The following OTUD7B variants were observed in gnomAD, a reference collection of about 807,000 sequenced individuals.
OTUD7B encodes OTU domain-containing protein 7B.
A neutral mutation model predicts 82.2 loss-of-function variants in OTUD7B; 34 were observed. The ratio of observed to expected loss-of-function variants is 0.41; its 90% CI spans 0.31 to 0.55. The LOEUF is 0.55. Ranked by LOEUF, OTUD7B falls within the 20% of genes least tolerant of loss-of-function variation. OTUD7B has a pLI of 0.20. For missense variants in OTUD7B, 944 were observed against 1,062.1 expected (o/e 0.89, Z 1.55); for synonymous variants, 398 against 402.7 (o/e 0.99, Z 0.14).
chr1:149,996,782 T>C (rs1182292133), intron 1 of OTUD7B, among the ~76,000 whole-genome samples: 2 of 152,204 alleles, frequency 1.3e-5, no homozygotes, highest in African/African-American at 4.8e-5. Flanking sequence ...AGAGTAAAGT[T>C]TTCTTCCCTT....
intron 6 of OTUD7B, chr1:149,962,109 G>C (rs1196714031): frequency 2.0e-5 from 3 of 152,060 alleles, no homozygotes; most frequent in Non-Finnish European, 2.9e-5. Context: ...TAAAAATAAA[G>C]AGAGCAATGC....
In OTUD7B at chr1:149,944,652, C is replaced by T; in HGVS notation, c.1737G>A (p.Glu579=). The change falls in exon 12 of 12, where the codon GAG becomes GAA. Residue 579 remains glutamate, a synonymous_variant. Coordinates refer to ENST00000581312, the MANE Select transcript of OTUD7B (RefSeq NM_020205.4). ...ACTTGCTCCCTCCGTTACCAACAGA[C>T]TCAGCTGGGGGCTTCTCAGACACAG... ...DGPVSEKPPA[E]SVGNGGSKYS... 6.2e-7 allele frequency: 1 copy of T among 1,614,042 alleles called. No individual in the cohort carries two copies.
chr1:149,996,961 G>C (rs1651963377), intron 1 of OTUD7B, among the ~76,000 whole-genome samples: 1 of 152,110 alleles, frequency 6.6e-6, no homozygotes, highest in African/African-American at 2.4e-5. Context: ...ACAGGCACAA[G>C]GATTTCTTGT....
chr1:149,937,966 C>G lies in OTUD7B; in HGVS notation c.*5891G>C, dbSNP rs1430194012. On this transcript the variant is annotated 3_prime_UTR_variant, in exon 12 of 12. Transcript: ENST00000581312. ...AGCTTTCAGTTTCCTGTCTTGGCTG[C>G]AACTGTGGAAATAGTGAAGATATTG... 1 of 151,986 alleles carries G rather than the reference C, an allele frequency of 6.6e-6. No individual in the cohort carries two copies. Among genetic ancestry groups the G allele is most frequent in the Non-Finnish European group, 1.5e-5 (1 of 68,050 alleles). 9.4% of individuals were successfully genotyped at this position (151,986 alleles called of 1,614,324 possible).
At chr1:150,046,158 G>T in the OTUD7B span, among the ~76,000 whole-genome samples, 1 of 152,096 alleles carries the variant, frequency 6.6e-6, no homozygotes, top group African/African-American at 2.4e-5. Context: ...CTAAAAATTG[G>T]CTGTTACAGA....
chr1:149,984,762 T>C (rs1010051749), intron 1 of OTUD7B, among the ~76,000 whole-genome samples: 1 of 152,182 alleles, frequency 6.6e-6, no homozygotes, highest in Non-Finnish European at 1.5e-5. Context: ...CTGCCTATTG[T>C]AGCAAATAGT....
chr1:149,953,065 G>C (rs1648385865), intron 7 of OTUD7B, among the ~76,000 whole-genome samples: 1 of 152,174 alleles, frequency 6.6e-6, no homozygotes, highest in South Asian at 2.1e-4. Flanking sequence ...GATCCCATTT[G>C]TCTATTTTGG....
In OTUD7B at chr1:149,944,279, C is replaced by T. The variant is rs782142726; in HGVS notation, c.2110G>A (p.Gly704Ser). Residue 704 changes from glycine to serine, a missense_variant, in exon 12 of 12, where the codon GGC becomes AGC. Physicochemically the swap from Gly to Ser is moderately conservative, Grantham distance 56. Transcript: ENST00000581312. ...GDFTIPRPSG[G>S]GVHCQEPRRQ... ...CGGGGTTCCTGGCAGTGGACTCCGC[C>T]CCCAGACGGCCGAGGGATAGTAAAG... is the stretch of plus-strand genomic sequence containing the variant. The T allele has an allele frequency of 6.2e-6, 10 of 1,610,244 alleles. No homozygotes were observed. The highest frequency in any genetic ancestry group is 8.5e-6 in the Non-Finnish European group (10 of 1,177,748).
chr1:149,949,154 C>G, intron 9 of OTUD7B, 71 bp from the exon 10 acceptor site: 2 of 901,060 alleles, frequency 2.2e-6, no homozygotes, highest in Non-Finnish European at 3.6e-6. Context: ...AGACTTATTT[C>G]ACTAAAATCA....
At chr1:149,982,737 A>G (rs1341273416) in intron 1 of OTUD7B, among the ~76,000 whole-genome samples, 3 of 151,302 alleles carry the variant, frequency 2.0e-5, no homozygotes, top group Non-Finnish European at 4.4e-5. Context: ...CAACAACTCA[A>G]ACCTGGACCC....
chr1:150,016,580 G>T, the OTUD7B span, among the ~76,000 whole-genome samples: 2 of 151,388 alleles, frequency 1.3e-5, no homozygotes, highest in African/African-American at 4.9e-5. Flanking sequence ...AGCCTCCTGA[G>T]TAGCTGGGAT....
chr1:149,997,056 GT>G (rs1266366406), intron 1 of OTUD7B, among the ~76,000 whole-genome samples: 3 of 152,142 alleles, frequency 2.0e-5, no homozygotes, highest in African/African-American at 7.2e-5. Context: ...TGAGTTCCTA[GT>G]CAAAAAATCC....
chr1:149,984,055 A>G (rs587627775), intron 1 of OTUD7B, among the ~76,000 whole-genome samples: 1 of 152,302 alleles, frequency 6.6e-6, no homozygotes, highest in South Asian at 2.1e-4. Context: ...AACCTTGCAG[A>G]GCAATATGAC....
chr1:149,993,787 T>C (rs1651752716), intron 1 of OTUD7B, among the ~76,000 whole-genome samples: 1 of 152,222 alleles, frequency 6.6e-6, no homozygotes, highest in South Asian at 2.1e-4. Flanking sequence ...ATCTGTATTA[T>C]AGGAATGTGG....
intron 1 of OTUD7B, among the ~76,000 whole-genome samples, chr1:150,007,312 C>T (rs1199232015): frequency 2.6e-5 from 4 of 152,172 alleles, no homozygotes; most frequent in African/African-American, 9.7e-5. Flanking sequence ...AACGAAGACC[C>T]ATCTAACTCA....
intron 1 of OTUD7B, among the ~76,000 whole-genome samples, chr1:149,990,723 C>T (rs939535769): frequency 1.3e-5 from 2 of 152,094 alleles, no homozygotes; most frequent in Admixed American, 6.5e-5. Flanking sequence ...AGGCCAGGTG[C>T]GGTGGCGCAT....
chr1:149,951,044 G>A (rs1487542928), intron 7 of OTUD7B, among the ~76,000 whole-genome samples: 19 of 121,850 alleles, frequency 1.6e-4, no homozygotes, highest in Non-Finnish European at 2.7e-4. Context: ...GTGCAGTGGT[G>A]CGATTTGGGC....
intron 1 of OTUD7B, among the ~76,000 whole-genome samples, chr1:150,003,143 G>A (rs764750088): frequency 4.6e-5 from 7 of 151,890 alleles, no homozygotes; most frequent in East Asian, 3.9e-4. Context: ...CCAGCAACTC[G>A]GGAGGCTGAG....
intron 1 of OTUD7B, among the ~76,000 whole-genome samples, chr1:150,006,375 T>C (rs587767239): frequency 6.6e-6 from 1 of 152,304 alleles, no homozygotes; most frequent in South Asian, 2.1e-4. Context: ...GACAATGGCA[T>C]GAACCTGGGA....
Sources: gnomAD v4.1 joint callset for allele counts (sites outside exome capture counted in the v4.1 genomes callset) on GRCh38, gnomAD v4.1.1 for gene constraint, MANE v1.5 for transcripts, NCBI Gene and HGNC (gene_info 2026-07-23, HGNC 2026-07-21) for gene names.